LRP1B: variants seen among roughly 807,000 people sequenced by gnomAD.
LRP1B encodes low-density lipoprotein receptor-related protein 1B.
A neutral mutation model predicts 556.6 loss-of-function variants in LRP1B; 217 were observed. The ratio of observed to expected loss-of-function variants is 0.39; its 90% CI spans 0.35 to 0.44. The LOEUF (loss-of-function observed/expected upper bound fraction) is 0.44, where lower values mean the gene tolerates loss of function less well. LRP1B is among the 20% of genes least tolerant of loss of function. LRP1B has a pLI of 1.00. For missense variants in LRP1B, 5,053 were observed against 5,620.8 expected, an observed-to-expected ratio of 0.90 and a Z score of 3.23; for synonymous variants, 2,047 against 1,865.8, an observed-to-expected ratio of 1.10 and a Z score of -2.50.
intron 7 of LRP1B, among the ~76,000 whole-genome samples, chr2:141,158,856 A>G (rs1558900244): frequency 6.6e-6 from 1 of 152,160 alleles, no homozygotes; most frequent in Non-Finnish European, 1.5e-5. Context: ...CAACAAAATC[A>G]AGACCTAAAT....
intron 1 of LRP1B, among the ~76,000 whole-genome samples, chr2:141,862,353 T>A (rs967480974): frequency 1.3e-5 from 2 of 152,166 alleles, no homozygotes; most frequent in African/African-American, 4.8e-5. Context: ...TTCTACAACA[T>A]TAAATTACTA....
chr2:141,751,041 A>G (rs1694092382), intron 2 of LRP1B, among the ~76,000 whole-genome samples: 1 of 151,954 alleles, frequency 6.6e-6, no homozygotes, highest in Non-Finnish European at 1.5e-5. Flanking sequence ...TTAAGTATAT[A>G]TATAAAAAGG....
intron 2 of LRP1B, among the ~76,000 whole-genome samples, chr2:141,696,968 T>C (rs924068071): frequency 2.6e-5 from 4 of 151,984 alleles, no homozygotes; most frequent in Non-Finnish European, 5.9e-5. Context: ...ATCTTTTGTG[T>C]ATCATAGAAC....
chr2:141,842,016 A>G (rs2105761645), intron 1 of LRP1B, among the ~76,000 whole-genome samples: 1 of 152,292 alleles, frequency 6.6e-6, no homozygotes, highest in Non-Finnish European at 1.5e-5. Flanking sequence ...TCTAAATCTA[A>G]GACATTTGTA....
chr2:140,579,991 T>C (rs950407777), intron 43 of LRP1B, among the ~76,000 whole-genome samples: 10 of 152,312 alleles, frequency 6.6e-5, no homozygotes, highest in East Asian at 1.9e-4. Context: ...AGAAAATCCA[T>C]TGTTCTCTAT....
intron 2 of LRP1B, among the ~76,000 whole-genome samples, chr2:141,555,546 C>G (rs113469703): frequency 6.6e-6 from 1 of 151,824 alleles, no homozygotes; most frequent in African/African-American, 2.4e-5. Context: ...AAATACTATA[C>G]GTTTGGCTAA....
At chr2:140,593,897 T>C (rs189309172) in intron 43 of LRP1B, among the ~76,000 whole-genome samples, 63 of 152,318 alleles carry the variant, frequency 4.1e-4, no homozygotes, top group African/African-American at 1.3e-3. Flanking sequence ...ATTTATATGA[T>C]AAATATGAGT....
chr2:141,535,125 T>C (rs1685028392), intron 2 of LRP1B, among the ~76,000 whole-genome samples: 1 of 152,142 alleles, frequency 6.6e-6, no homozygotes, highest in Non-Finnish European at 1.5e-5. Context: ...ATCTGACTGC[T>C]CTATTTTCTC....
intron 35 of LRP1B, among the ~76,000 whole-genome samples, chr2:140,751,246 GC>G (rs1418864384): frequency 1.6e-4 from 25 of 152,064 alleles, no homozygotes; most frequent in African/African-American, 5.8e-4. Flanking sequence ...GCCTGCCTTG[GC>G]CTCCCAAAGA....
chr2:141,354,581 T>G (rs1381598120), intron 3 of LRP1B, among the ~76,000 whole-genome samples: 1 of 152,088 alleles, frequency 6.6e-6, no homozygotes, highest in Non-Finnish European at 1.5e-5. Context: ...GAAATGTGTT[T>G]TTGCAAGTGT....
At chr2:141,251,914 T>C (rs1443380408) in intron 4 of LRP1B, among the ~76,000 whole-genome samples, 2 of 152,060 alleles carry the variant, frequency 1.3e-5, no homozygotes, top group African/African-American at 2.4e-5. Context: ...CCTCAGAGTG[T>C]TCATGTGATT....
At chr2:140,900,491 C>A (rs1316223365) in intron 23 of LRP1B, among the ~76,000 whole-genome samples, 5 of 152,146 alleles carry the variant, frequency 3.3e-5, no homozygotes, top group African/African-American at 1.2e-4. Flanking sequence ...GTCTGCTAAA[C>A]TTATGCTCTG....
chr2:140,450,714 A>C, intron 62 of LRP1B, 53 bp from the exon 63 acceptor site: 1 of 1,243,220 alleles, frequency 8.0e-7, no homozygotes, highest in Non-Finnish European at 1.1e-6. Context: ...TGCATATATA[A>C]TGGATAATTT....
chr2:141,494,953 A>C (rs1207344274), intron 2 of LRP1B, among the ~76,000 whole-genome samples: 1 of 151,940 alleles, frequency 6.6e-6, no homozygotes, highest in Non-Finnish European at 1.5e-5. Context: ...TGTTATTGAG[A>C]TACTACAGAA....
At chr2:140,804,648 AATTTTTTTTTTT>A (rs1190244193) in intron 32 of LRP1B, among the ~76,000 whole-genome samples, 1 of 103,892 alleles carries the variant, frequency 9.6e-6, no homozygotes, top group Non-Finnish European at 1.9e-5. Flanking sequence ...GGTAAAAACT[AATTTTTTTTTTT>A]TTTTTTTTTT....
chr2:140,337,335 TCA>T (rs556215009), intron 77 of LRP1B, among the ~76,000 whole-genome samples: 107 of 152,052 alleles, frequency 7.0e-4, no homozygotes, highest in African/African-American at 2.4e-3. Flanking sequence ...CAGTGATATC[TCA>T]GTTACCTGAA....
chr2:141,758,791 A>G (rs948644936), intron 2 of LRP1B, among the ~76,000 whole-genome samples: 1 of 152,092 alleles, frequency 6.6e-6, no homozygotes, highest in African/African-American at 2.4e-5. Flanking sequence ...TTTTATTTCT[A>G]TGTGATCATT....
intron 11 of LRP1B, among the ~76,000 whole-genome samples, chr2:141,048,541 A>G (rs923953904): frequency 2.0e-5 from 3 of 152,110 alleles, no homozygotes; most frequent in Non-Finnish European, 4.4e-5. Flanking sequence ...TGTGTAAAGT[A>G]AAAAATAAAA....
chr2:141,138,765 G>A (rs1294992929), intron 7 of LRP1B, among the ~76,000 whole-genome samples: 1 of 151,782 alleles, frequency 6.6e-6, no homozygotes, highest in Non-Finnish European at 1.5e-5. Flanking sequence ...GGGGTAGAAG[G>A]CATAATATTG....
Sources: allele counts gnomAD v4.1 joint callset (sites outside exome capture counted in the v4.1 genomes callset), GRCh38; gene constraint gnomAD v4.1.1; transcripts MANE v1.5; gene names NCBI Gene and HGNC (gene_info 2026-07-23, HGNC 2026-07-21).